Variants in PCDHGB3 observed in about 807,000 individuals in gnomAD.
PCDHGB3 encodes the protein protocadherin gamma subfamily B, 3, also known as protocadherin gamma-B3.
PCDHGB3 carries 40 observed loss-of-function variants against 59.2 expected under a neutral mutation model. The observed-to-expected ratio is 0.68, with a 90% CI of 0.52 to 0.88. The LOEUF is 0.88. Ranked by LOEUF, PCDHGB3 falls within the 40% of genes least tolerant of loss-of-function variation. The probability of loss-of-function intolerance (pLI) is 0.00; values close to 1 mark genes in which losing one functional copy is unlikely to be tolerated. For synonymous variants in PCDHGB3, 581 were observed against 503.6 expected, an observed-to-expected ratio of 1.15 and a Z score of -2.06; for missense variants, 1,309 against 1,187.9, an observed-to-expected ratio of 1.10 and a Z score of -1.50.
chr5:141,370,825 A>C lies in PCDHGB3; in HGVS notation c.431A>C (p.Glu144Ala). The change falls in exon 1 of 4, where the codon GAA becomes GCA. Residue 144 changes from glutamate (E) to alanine (A), a missense_variant. Glu to Ala is a moderately radical substitution (Grantham distance 107, BLOSUM62 -1). Coordinates refer to ENST00000576222, the MANE Select transcript of PCDHGB3 (RefSeq NM_018924.5). ...AATATCACTGAGCTGGAAATCAGCG[A>C]ACTGGCTCTCACTGGAGCCACATTT... is the stretch of plus-strand genomic sequence containing the variant. ...SQNITELEISELALTGATFAL... is the reference protein window; with the variant it reads ...SQNITELEISALALTGATFAL... 3 of 1,614,070 alleles carry C rather than the reference A, an allele frequency of 1.9e-6. No individual in the cohort carries two copies. Among genetic ancestry groups the C allele is most frequent in the Non-Finnish European group, 2.5e-6 (3 of 1,179,908 alleles).
intron 1 of PCDHGB3, among the ~76,000 whole-genome samples, chr5:141,454,907 A>T (rs1304287479): frequency 1.4e-5 from 2 of 139,080 alleles, no homozygotes; most frequent in East Asian, 4.3e-4. Context: ...TCCCGGGTTC[A>T]CGCCATTCTC....
rs367744321 is a variant in PCDHGB3, at chr5:141,489,394, C to G, written c.2416-5413C>G. The G allele has an allele frequency of 3.7e-6, 6 of 1,614,008 alleles. No individual in the cohort carries two copies. In the African/African-American group the frequency reaches 6.7e-5, roughly 18 times the overall value. On this transcript the variant is annotated intron_variant, in intron 1 of 3. Transcript: ENST00000576222. The surrounding 1 kb of genome is among the most constrained non-coding windows in gnomAD (Gnocchi z 4.5). ...GCTGGTGGGGAATGTTGCTCAGGATCTGGGCTTAAAGATGACAGATCTGTT... is the reference window on the plus strand; with the variant it reads ...GCTGGTGGGGAATGTTGCTCAGGATGTGGGCTTAAAGATGACAGATCTGTT...
intron 1 of PCDHGB3, among the ~76,000 whole-genome samples, chr5:141,456,668 T>G (rs2098874996): frequency 1.3e-5 from 2 of 152,254 alleles, no homozygotes; most frequent in Admixed American, 6.5e-5. Context: ...ATGTTTCATT[T>G]AAAAATGCAT....
At chr5:141,427,869 AC>A in intron 1 of PCDHGB3, 1 of 1,559,604 alleles carries the variant, frequency 6.4e-7, no homozygotes, top group Non-Finnish European at 8.8e-7. Context: ...CTTCGAGCTC[AC>A]GATGCAGGCC....
chr5:141,429,510 T>A (rs2097220128), intron 1 of PCDHGB3, among the ~76,000 whole-genome samples: 1 of 152,124 alleles, frequency 6.6e-6, no homozygotes, highest in African/African-American at 2.4e-5. Context: ...AAACTGTGCC[T>A]GGCAGAGAAA....
intron 1 of PCDHGB3, chr5:141,408,389 G>T: frequency 6.2e-7 from 1 of 1,614,032 alleles, no homozygotes; most frequent in Non-Finnish European, 8.5e-7. Flanking sequence ...GGATGTGTCG[G>T]CTCGCAAGCT....
intron 1 of PCDHGB3, chr5:141,383,856 T>C (rs1307177086): frequency 6.2e-7 from 1 of 1,613,964 alleles, no homozygotes; most frequent in Admixed American, 1.7e-5. Flanking sequence ...AAATGGAGGT[T>C]CAGGCTCAAG....
At chr5:141,505,341 A>G in intron 2 of PCDHGB3, 52 bp from the exon 3 acceptor site, 3 of 1,612,728 alleles carry the variant, frequency 1.9e-6, no homozygotes, top group Non-Finnish European at 2.5e-6. Context: ...CAGGAGGGGC[A>G]TGAGCTGTGC....
At chr5:141,394,094 A>C (rs759909698) in intron 1 of PCDHGB3, 5 of 1,613,934 alleles carry the variant, frequency 3.1e-6, no homozygotes, top group Non-Finnish European at 3.4e-6. Flanking sequence ...CCTCAGATCT[A>C]GGAACACCAC....
intron 1 of PCDHGB3, among the ~76,000 whole-genome samples, chr5:141,447,650 T>G (rs555134653): frequency 1.3e-5 from 2 of 151,988 alleles, no homozygotes; most frequent in Non-Finnish European, 2.9e-5. Flanking sequence ...GGTAGAATTT[T>G]CCCCCCCAGG....
rs115982940 is a variant in PCDHGB3, at chr5:141,457,996, G to A, written c.2416-36811G>A. On this transcript the variant is annotated intron_variant, in intron 1 of 3. Transcript: ENST00000576222. ...AACACACCCTTTCAGTTAAAGCCTTGGCAAAATAACCGGTTTTTCCAATTG... is the reference window on the plus strand; with the variant it reads ...AACACACCCTTTCAGTTAAAGCCTTAGCAAAATAACCGGTTTTTCCAATTG... Among the ~76,000 whole-genome samples the A allele has an allele frequency of 2.4e-3, 372 of 152,212 alleles. 2 individuals carry two copies. Among genetic ancestry groups the A allele is most frequent in the African/African-American group, 8.4e-3 (347 of 41,522 alleles).
intron 1 of PCDHGB3, chr5:141,383,672 G>A: frequency 6.2e-7 from 1 of 1,614,030 alleles, no homozygotes; most frequent in Non-Finnish European, 8.5e-7. Flanking sequence ...GTGCCAGTGG[G>A]TACAAGACTG....
At chr5:141,464,407 A>C (rs996561936) in intron 1 of PCDHGB3, among the ~76,000 whole-genome samples, 1 of 151,544 alleles carries the variant, frequency 6.6e-6, no homozygotes, top group Non-Finnish European at 1.5e-5. Flanking sequence ...CCTGAGATAT[A>C]TATATATCTA....
At chr5:141,401,976 G>A (rs1479930250) in intron 1 of PCDHGB3, among the ~76,000 whole-genome samples, 2 of 152,062 alleles carry the variant, frequency 1.3e-5, no homozygotes, top group Admixed American at 1.3e-4. Context: ...ATTGATGAAG[G>A]ATTAAAATAG....
intron 1 of PCDHGB3, chr5:141,419,344 C>T (rs2096363174): frequency 1.9e-6 from 3 of 1,613,732 alleles, no homozygotes; most frequent in Non-Finnish European, 2.5e-6. Flanking sequence ...TTGCCAGCGA[C>T]CTGGAGTCAC....
intron 1 of PCDHGB3, among the ~76,000 whole-genome samples, chr5:141,455,408 G>A (rs1024760282): frequency 6.6e-6 from 1 of 152,150 alleles, no homozygotes; most frequent in Non-Finnish European, 1.5e-5. Context: ...TACAGAGACA[G>A]AGGGAGCGGG....
At chr5:141,408,955 T>G in intron 1 of PCDHGB3, 1 of 1,613,616 alleles carries the variant, frequency 6.2e-7, no homozygotes, top group South Asian at 1.1e-5. Flanking sequence ...GAATTAGTCT[T>G]AGTGAAAATC....
In PCDHGB3 at chr5:141,374,403, A is replaced by G. The variant is rs201390749; in HGVS notation, c.2415+1594A>G. 6.2e-4 allele frequency: 999 copies of G among 1,613,916 alleles called. 2 individuals are homozygous for G. Among genetic ancestry groups the G allele is most frequent in the Non-Finnish European group, 8.1e-4 (961 of 1,179,908 alleles). ...AGCCCGCGGTGTCTGGTGAGTTTTA[A>G]CATCCTTGTCGAGGATAAACTGAAT... On this transcript the variant is annotated intron_variant, in intron 1 of 3. Coordinates refer to ENST00000576222, the MANE Select transcript of PCDHGB3 (RefSeq NM_018924.5).
intron 1 of PCDHGB3, chr5:141,378,086 T>G (rs1774615238): frequency 6.6e-6 from 1 of 150,862 alleles, no homozygotes. Context: ...TTTTATAACT[T>G]TTTTTCAAAC....
Sources: gnomAD v4.1 joint callset for allele counts (sites outside exome capture counted in the v4.1 genomes callset) on GRCh38, gnomAD v4.1.1 for gene constraint, Gnocchi (gnomAD v3.1) non-coding constraint, MANE v1.5 for transcripts, NCBI Gene and HGNC (gene_info 2026-07-23, HGNC 2026-07-21) for gene names.